EPN3: variants seen among roughly 807,000 people sequenced by gnomAD.
EPN3 encodes epsin 3, also known as epsin-3.
Under a neutral mutation model 55.5 loss-of-function variants are expected in EPN3, and 56 were observed. The ratio of observed to expected loss-of-function variants is 1.01; its 90% confidence interval spans 0.81 to 1.26. EPN3 has a LOEUF of 1.26. Among genes scored for constraint, EPN3 ranks in the 50% most tolerant of loss-of-function variants. EPN3 has a pLI of 0.00. For missense variants in EPN3, 927 were observed against 853.4 expected (o/e 1.09, Z -1.07); for synonymous variants, 449 against 375.2 (o/e 1.20, Z -2.27).
In EPN3 at chr17:50,538,962, A is replaced by C; in HGVS notation, c.760A>C (p.Lys254Gln). 1 of 1,603,298 alleles carries C rather than the reference A, an allele frequency of 6.2e-7. No individual in the cohort carries two copies. Among genetic ancestry groups the C allele is most frequent in the Non-Finnish European group, 8.5e-7 (1 of 1,174,022 alleles). ...ALRLSRQEHE[K>Q]EVRSWQGDGS... is the part of the protein sequence containing the mutation. ...GCGCCTGAGCCGGCAGGAGCACGAG[A>C]AGGTAGTGGGCCGAGCCCGCTGGGC... is the stretch of plus-strand genomic sequence containing the variant. Residue 254 changes from lysine to glutamine, a missense_variant and splice_region_variant, in exon 4 of 10, where the codon AAG becomes CAG. Physicochemically the swap from Lys to Gln is moderately conservative, Grantham distance 53 (BLOSUM62 1). Transcript: ENST00000268933.
chr17:50,540,271 A>G lies in EPN3; in HGVS notation c.916A>G (p.Ile306Val), dbSNP rs746992579. The part of the protein sequence containing the change: ...SQSSILDLAD[I>V]FVPALAPPST... ...GTCCTCCATCCTGGACTTGGCTGAC[A>G]TCTTCGTACCTGCCCTGGCCCCGCC... Residue 306 changes from isoleucine (I) to valine (V), a missense_variant, in exon 6 of 10, where the codon ATC becomes GTC. Ile to Val is a conservative substitution (Grantham distance 29). Transcript: ENST00000268933. 6.2e-7 allele frequency: 1 copy of G among 1,612,586 alleles called. No homozygotes were observed. Among genetic ancestry groups the G allele is most frequent in the Non-Finnish European group, 8.5e-7 (1 of 1,179,902 alleles).
Position 50,536,511 on chromosome 17 carries a change from C to G in EPN3, c.-46C>G, listed in dbSNP as rs1292971125. 17 of 1,611,028 alleles carry G rather than the reference C, an allele frequency of 1.1e-5. No individual in the cohort carries two copies. Among genetic ancestry groups the G allele is most frequent in the Non-Finnish European group, 1.3e-5 (15 of 1,179,876 alleles). Reference sequence around the variant, plus strand: ...CCTCGCCACAGTGGCCCTCAGCCCTCCACCTCCGGCGGGGGCGAGGGCCAC... The same window carrying G: ...CCTCGCCACAGTGGCCCTCAGCCCTGCACCTCCGGCGGGGGCGAGGGCCAC... On this transcript the variant is annotated 5_prime_UTR_variant, in exon 2 of 10. Transcript: ENST00000268933.
rs1052989892 is a variant in EPN3 at position 50,539,171 on chromosome 17, T to C, written c.763-16T>C. 1.9e-6 allele frequency: 3 copies of C among 1,613,390 alleles called. No homozygotes were observed. Among genetic ancestry groups the C allele is most frequent in the African/African-American group, 2.7e-5 (2 of 74,902 alleles). On this transcript the variant is annotated splice_polypyrimidine_tract_variant and intron_variant, in intron 4 of 9. Coordinates refer to ENST00000268933, the MANE Select transcript of EPN3 (RefSeq NM_017957.3). ...TGAGCTGCTCATGCTCCTAACTCTT[T>C]CTGTGCCTTCTGCAGGAGGTGAGGT...
Position 50,539,313 on chromosome 17 carries a change from C to T in EPN3, c.889C>T (p.Gln297Ter), listed in dbSNP as rs985201190. Residue 297 changes from glutamine to a stop codon, truncating the protein, a stop_gained and splice_region_variant, in exon 5 of 10, where the codon CAG (glutamine) becomes TAG (stop). Transcript: ENST00000268933. LOFTEE classifies it high-confidence loss of function. Reference sequence around the variant, plus strand: ...GGAGGAGGAGAAGCTAAAAACCAGCCAGGTAGGGAGTGGGCTGCGGTGCTT... The same window carrying T: ...GGAGGAGGAGAAGCTAAAAACCAGCTAGGTAGGGAGTGGGCTGCGGTGCTT... ...RKEEEKLKTS[Q>*]SSILDLADIF... The T allele has an allele frequency of 2.2e-5, 36 of 1,614,020 alleles. No homozygotes were observed. The highest frequency in any genetic ancestry group is 2.8e-5 in the Non-Finnish European group (33 of 1,179,982).
At chr17:50,539,450 G>T (rs1240094395) in intron 5 of EPN3, 135 bp downstream of exon 5, 4 of 1,320,032 alleles carry the variant, frequency 3.0e-6, no homozygotes, top group Admixed American at 4.6e-5. Context: ...GGGTGGGGGT[G>T]TAGCAGCCCT....
At position 50,540,968 on chromosome 17, in the gene EPN3, C is replaced by T; in HGVS notation, c.1155C>T (p.Thr385=). Residue 385 remains threonine (T), a synonymous_variant, in exon 7 of 10, where the codon ACC becomes ACT. Transcript: ENST00000268933. Reference sequence around the variant, plus strand: ...CAGTGCTGCCTGCTGGGCCCCCCACCACAGACCCCTGGGCCCTGAACTCTC... The same window carrying T: ...CAGTGCTGCCTGCTGGGCCCCCCACTACAGACCCCTGGGCCCTGAACTCTC... ...RTPVLPAGPP[T]TDPWALNSPH... 6.2e-7 allele frequency: 1 copy of T among 1,612,998 alleles called. No homozygotes were observed.
intron 2 of EPN3, chr17:50,537,813 G>A: frequency 2.3e-6 from 1 of 444,080 alleles, no homozygotes; most frequent in African/African-American, 2.0e-5. Context: ...GGGCACCTGG[G>A]TTCAAGTCCT....
At chr17:50,539,050 T>A in intron 4 of EPN3, 86 bp downstream of exon 4, 1 of 1,536,328 alleles carries the variant, frequency 6.5e-7, no homozygotes, top group Non-Finnish European at 8.8e-7. Context: ...CCTCCCGCTG[T>A]ACCCGGTGGC....
chr17:50,539,524 T>C (rs184029742), intron 5 of EPN3, among the ~76,000 whole-genome samples: 7 of 152,306 alleles, frequency 4.6e-5, no homozygotes, highest in South Asian at 4.1e-4. Flanking sequence ...AGGTTCCTGA[T>C]TGGAGACCCC....
At chr17:50,538,843 T>G (rs1184608597) in intron 3 of EPN3, 41 bp from the exon 4 acceptor site, 1 of 1,479,916 alleles carries the variant, frequency 6.8e-7, no homozygotes, top group Non-Finnish European at 9.1e-7. Context: ...GGTCCCAAGG[T>G]GGGGGTACAG....
Position 50,541,641 on chromosome 17 carries a change from A to G in EPN3, c.1532A>G (p.Asp511Gly). The change falls in exon 9 of 10, where the codon GAC becomes GGC. Residue 511 changes from aspartate (D) to glycine (G), a missense_variant. Transcript: ENST00000268933. ...GPSASSLVNL[D>G]SLVKAPQVAK... ...TCAGCTTCCTCCTTGGTCAACCTTG[A>G]CTCGTTGGTCAAGGCACCCCAGGTT... 6.2e-7 allele frequency: 1 copy of G among 1,613,870 alleles called. No homozygotes were observed. The highest frequency in any genetic ancestry group is 1.1e-5 in the South Asian group (1 of 91,070).
intron 1 of EPN3, among the ~76,000 whole-genome samples, chr17:50,534,086 TGCGCTTGG>T (rs2034722515): frequency 1.5e-4 from 4 of 26,262 alleles, no homozygotes; most frequent in African/African-American, 1.0e-3. Flanking sequence ...CTCCCTTCTC[TGCGCTTGG>T]GCAGGCTTCT....
rs201212170 is a variant in EPN3 at position 50,539,220 on chromosome 17, A to G, written c.796A>G (p.Met266Val). ...GTCCTGGCAGGGTGATGGCTCCCCC[A>G]TGGCCAATGGTGCAGGGGCCGTGGT... is the stretch of plus-strand genomic sequence containing the variant. ...VRSWQGDGSP[M>V]ANGAGAVVHH... The change falls in exon 5 of 10, where the codon ATG becomes GTG. Residue 266 changes from methionine to valine, a missense_variant. By Grantham distance (21) the Met-to-Val change is conservative. Transcript: ENST00000268933. 2.4e-5 allele frequency: 38 copies of G among 1,613,946 alleles called. No individual in the cohort carries two copies. Among genetic ancestry groups the G allele is most frequent in the Non-Finnish European group, 3.1e-5 (37 of 1,179,986 alleles).
chr17:50,540,277 G>A lies in EPN3; in HGVS notation c.922G>A (p.Val308Ile), dbSNP rs145125112. 48 of 1,612,504 alleles carry A rather than the reference G, an allele frequency of 3.0e-5. No homozygotes were observed. The African/African-American group carries it at 4.9e-4, about 17-fold the overall frequency. ...CATCCTGGACTTGGCTGACATCTTC[G>A]TACCTGCCCTGGCCCCGCCCTCCAC... ...SSILDLADIFVPALAPPSTHC... is the reference protein window; with the variant it reads ...SSILDLADIFIPALAPPSTHC... Residue 308 changes from valine (V) to isoleucine (I), a missense_variant, in exon 6 of 10, where the codon GTA becomes ATA. Coordinates refer to ENST00000268933, the MANE Select transcript of EPN3 (RefSeq NM_017957.3).
chr17:50,537,967 G>A (rs1481817918), intron 2 of EPN3, 112 bp from the exon 3 acceptor site: 10 of 890,748 alleles, frequency 1.1e-5, no homozygotes, highest in Admixed American at 4.1e-5. Context: ...GGGCCTCAAC[G>A]GCCGTTGTTC....
At position 50,532,890 on chromosome 17, in the gene EPN3, C is replaced by T. The variant is rs760708103; in HGVS notation, c.-232C>T. On this transcript the variant is annotated 5_prime_UTR_variant, in exon 1 of 10. Transcript: ENST00000268933. The stretch of plus-strand genomic sequence containing the variant: ...TCCATGGTGGATGGCTCTGGAGACG[C>T]TCCCGAGGCTGTGCCGTCCCGCTGC... 4 of 1,286,174 alleles carry T rather than the reference C, an allele frequency of 3.1e-6. No homozygotes were observed. Among genetic ancestry groups the T allele is most frequent in the South Asian group, 1.2e-5 (1 of 80,792 alleles). 79.7% of individuals were successfully genotyped at this position (1,286,174 alleles called of 1,614,324 possible).
At chr17:50,540,404 G>T in intron 6 of EPN3, 70 bp downstream of exon 6, 1 of 1,444,466 alleles carries the variant, frequency 6.9e-7, no homozygotes, top group South Asian at 1.2e-5. Context: ...CCACTTGCTG[G>T]GCCAAGCACC....
At chr17:50,538,485 A>G in intron 3 of EPN3, 1 of 489,336 alleles carries the variant, frequency 2.0e-6, no homozygotes, top group Non-Finnish European at 3.6e-6. Flanking sequence ...GAGTGTGCTC[A>G]GACATATTCC....
In EPN3 at chr17:50,541,638, T is replaced by G. The variant is rs116593942; in HGVS notation, c.1529T>G (p.Leu510Arg). 6.2e-7 allele frequency: 1 copy of G among 1,614,134 alleles called. No homozygotes were observed. Among genetic ancestry groups the G allele is most frequent in the Non-Finnish European group, 8.5e-7 (1 of 1,180,010 alleles). ...LGPSASSLVN[L>R]DSLVKAPQVA... ...CCCTCAGCTTCCTCCTTGGTCAACC[T>G]TGACTCGTTGGTCAAGGCACCCCAG... is the stretch of plus-strand genomic sequence containing the variant. Residue 510 changes from leucine to arginine, a missense_variant, in exon 9 of 10, where the codon CTT (leucine) becomes CGT (arginine). By Grantham distance (102) the Leu-to-Arg change is moderately radical. Coordinates refer to ENST00000268933, the MANE Select transcript of EPN3 (RefSeq NM_017957.3).
Sources: gnomAD v4.1 joint callset for allele counts (sites outside exome capture counted in the v4.1 genomes callset) on GRCh38, gnomAD v4.1.1 for gene constraint, MANE v1.5 for transcripts, NCBI Gene and HGNC (gene_info 2026-07-23, HGNC 2026-07-21) for gene names.